Variants in VCL observed in about 807,000 individuals in gnomAD.
The protein encoded by VCL is vinculin.
VCL carries 47 observed loss-of-function variants against 125.7 expected under a neutral mutation model. That is an observed-to-expected ratio of 0.37 (90% CI 0.30 to 0.48). VCL has a LOEUF of 0.48. VCL is among the 20% of genes least tolerant of loss of function. VCL has a pLI of 0.99. For synonymous variants in VCL, 458 were observed against 514.6 expected (o/e 0.89, Z 1.49); for missense variants, 1,069 against 1,455.5 (o/e 0.73, Z 4.32).
At chr10:74,001,543 C>A (rs1032548165) in intron 1 of VCL, among the ~76,000 whole-genome samples, 38 of 151,926 alleles carry the variant, frequency 2.5e-4, no homozygotes, top group African/African-American at 9.0e-4. Context: ...GTTGAAGGAA[C>A]TATGGGAAGG....
rs1554820063 is a variant in VCL, at chr10:74,119,872, T to TAAAG, written c.*1709_*1712dup. On this transcript the variant is annotated 3_prime_UTR_variant, in exon 22 of 22. Transcript: ENST00000211998. Reference sequence around the variant, plus strand: ...TGCCAAAGATCACTTGTTGTTTTACTAAAGAAAGATTACTTAGAGGAAATA... The same window carrying TAAAG: ...TGCCAAAGATCACTTGTTGTTTTACTAAAGAAAGAAAGATTACTTAGAGGAAATA... 10 of 152,632 alleles carry TAAAG rather than the reference T, an allele frequency of 6.6e-5. No homozygotes were observed. The highest frequency in any genetic ancestry group is 2.4e-5 in the African/African-American group (1 of 41,444). The allele number at this position is 152,632 out of a possible 1,614,324, so 9.5% of individuals were successfully genotyped here.
chr10:74,094,163 G>T, intron 10 of VCL, 108 bp from the exon 11 acceptor site: 1 of 1,359,222 alleles, frequency 7.4e-7, no homozygotes, highest in Non-Finnish European at 1.0e-6. Flanking sequence ...CAAATTAATA[G>T]TAATCAGGAG....
In VCL at chr10:74,111,927, G is replaced by T; in HGVS notation, c.2764G>T (p.Glu922Ter). ...WSSKPGIPAAEVGIGVVAEAD... is the reference protein window; with the variant it reads ...WSSKPGIPAA Reference sequence around the variant, plus strand: ...GACAAAGCCGGGCATCCCAGCCGCTGAGGTGGGTATAGGTGTTGTAGCTGA... The same window carrying T: ...GACAAAGCCGGGCATCCCAGCCGCTTAGGTGGGTATAGGTGTTGTAGCTGA... The change falls in exon 19 of 22, where the codon GAG (glutamate) becomes TAG (stop). Residue 922 changes from glutamate (E) to a stop codon, truncating the protein, a stop_gained. Transcript: ENST00000211998. LOFTEE classifies it high-confidence loss of function. The T allele has an allele frequency of 6.2e-7, 1 of 1,614,216 alleles. No individual in the cohort carries two copies. The highest frequency in any genetic ancestry group is 8.5e-7 in the Non-Finnish European group (1 of 1,180,038).
chr10:74,080,163 G>T (rs910918184), intron 6 of VCL, among the ~76,000 whole-genome samples: 1 of 152,138 alleles, frequency 6.6e-6, no homozygotes, highest in Non-Finnish European at 1.5e-5. Context: ...GAGAATAAAA[G>T]CAGTCATTTT....
chr10:74,113,934 C>T (rs1284219463), intron 19 of VCL, among the ~76,000 whole-genome samples: 2 of 152,158 alleles, frequency 1.3e-5, no homozygotes, highest in Admixed American at 6.5e-5. Flanking sequence ...CTCTCTCCCT[C>T]TCCTTTCCCC....
At position 74,007,872 on chromosome 10, in the gene VCL, C is replaced by T. The variant is rs186179133; in HGVS notation, c.168+9497C>T. Among the ~76,000 whole-genome samples, 263 of 149,080 alleles carry T rather than the reference C, an allele frequency of 1.8e-3. 1 individual carries two copies. The highest frequency in any genetic ancestry group is 5.9e-3 in the African/African-American group (237 of 40,456). On this transcript the variant is annotated intron_variant, in intron 1 of 21. Transcript: ENST00000211998. Reference sequence around the variant, plus strand: ...GGCTGGAGCGCAGTGGCACAATCTCCGCTCACTGCAACCTCTGCCTCCTGG... The same window carrying T: ...GGCTGGAGCGCAGTGGCACAATCTCTGCTCACTGCAACCTCTGCCTCCTGG...
In VCL at chr10:74,089,924, T is replaced by C. The variant is rs924418524; in HGVS notation, c.1177-99T>C. On this transcript the variant is annotated intron_variant, in intron 9 of 21. Coordinates refer to ENST00000211998, the MANE Select transcript of VCL (RefSeq NM_014000.3). ...TCAGAATTATAAAAATGATTACTGG[T>C]ATATTACTTTTGAAATCCTTCTTCT... 4.8e-6 allele frequency: 6 copies of C among 1,259,762 alleles called. No homozygotes were observed. The African/African-American group carries it at 8.9e-5, about 19-fold the overall frequency. 78.0% of individuals were successfully genotyped at this position (1,259,762 alleles called of 1,614,324 possible).
intron 2 of VCL, among the ~76,000 whole-genome samples, chr10:74,049,024 G>C (rs190407404): frequency 7.2e-4 from 109 of 152,202 alleles, no homozygotes; most frequent in Non-Finnish European, 1.3e-3. Flanking sequence ...AGGAGAATGC[G>C]TGAACCCAGG....
Position 74,097,059 on chromosome 10 carries a change from C to A in VCL, c.1744-145C>A. 1 of 1,186,624 alleles carries A rather than the reference C, an allele frequency of 8.4e-7. No individual in the cohort carries two copies. Among genetic ancestry groups the A allele is most frequent in the Non-Finnish European group, 1.2e-6 (1 of 830,250 alleles). The allele number at this position is 1,186,624 out of a possible 1,614,324, so 73.5% of individuals were successfully genotyped here. A position where few individuals can be genotyped will look rare whatever the true frequency, so the allele number is the denominator to read the frequency against. On this transcript the variant is annotated intron_variant, in intron 12 of 21. Coordinates refer to ENST00000211998, the MANE Select transcript of VCL (RefSeq NM_014000.3). The surrounding 1 kb of genome is among the most constrained non-coding windows in gnomAD (Gnocchi z 4.1). ...ATTCATAAATTACACCTGTTCTGTG[C>A]TAGCTCAGTGCTTTGTACACAGTTA...
chr10:74,031,045 T>C (rs182740801), intron 1 of VCL, among the ~76,000 whole-genome samples: 175 of 152,348 alleles, frequency 1.1e-3, no homozygotes, highest in African/African-American at 4.0e-3. Flanking sequence ...TTCTGTCATA[T>C]ATTAATAGGT....
chr10:74,093,094 C>T (rs913768819), intron 10 of VCL, among the ~76,000 whole-genome samples: 1 of 152,040 alleles, frequency 6.6e-6, no homozygotes, highest in Non-Finnish European at 1.5e-5. Flanking sequence ...GTCAGGAGTT[C>T]GAGACCAGCC....
chr10:74,043,382 C>T (rs1462799494), intron 2 of VCL, among the ~76,000 whole-genome samples: 7 of 151,062 alleles, frequency 4.6e-5, no homozygotes, highest in Admixed American at 6.6e-5. Context: ...GTTTCACCCT[C>T]GTCACCCAGT....
chr10:74,010,470 G>A (rs887991270), intron 1 of VCL, among the ~76,000 whole-genome samples: 6 of 151,918 alleles, frequency 3.9e-5, no homozygotes, highest in Non-Finnish European at 7.4e-5. Flanking sequence ...TGAAAATTTA[G>A]AAAATCTATC....
At chr10:74,010,690 C>T (rs552209654) in intron 1 of VCL, among the ~76,000 whole-genome samples, 29 of 151,856 alleles carry the variant, frequency 1.9e-4, no homozygotes, top group African/African-American at 5.1e-4. Context: ...CTCTAGTTCA[C>T]TTTCCTGCTT....
chr10:74,010,660 CA>C (rs917905134), intron 1 of VCL, among the ~76,000 whole-genome samples: 3 of 150,354 alleles, frequency 2.0e-5, no homozygotes, highest in African/African-American at 7.3e-5. Flanking sequence ...AAAAAAAAAA[CA>C]AACAAAAACA....
downstream of VCL, chr10:74,120,438 C>T (rs1457975122): frequency 6.6e-6 from 1 of 152,180 alleles, no homozygotes; most frequent in African/African-American, 2.4e-5. Context: ...TTATTTTCAT[C>T]TTAGAAGATT....
chr10:74,091,983 A>G (rs1419669207), intron 10 of VCL, among the ~76,000 whole-genome samples: 2 of 151,828 alleles, frequency 1.3e-5, no homozygotes, highest in Non-Finnish European at 2.9e-5. Flanking sequence ...ATCTTGGCTC[A>G]CTGCATCCTC....
intron 8 of VCL, 66 bp downstream of exon 8, chr10:74,083,579 A>G (rs1839715175): frequency 1.3e-6 from 2 of 1,589,954 alleles, no homozygotes; most frequent in East Asian, 2.3e-5. Context: ...TGATTCAGAA[A>G]ACAAGCCTCT....
Position 74,105,290 on chromosome 10 carries a change from A to G in VCL, c.2371A>G (p.Ser791Gly). Reference protein sequence around the residue: ...EAVKAASDELSKTISPMVMDA... With the variant: ...EAVKAASDELGKTISPMVMDA... The stretch of plus-strand genomic sequence containing the variant: ...TGTGAAAGCTGCCTCTGATGAATTG[A>G]GCAAAACCATCTCCCCGATGGTGAT... The change falls in exon 16 of 22, where the codon AGC becomes GGC. Residue 791 changes from serine (S) to glycine (G), a missense_variant. Ser to Gly is a moderately conservative substitution (Grantham distance 56). This residue lies in a region of VCL where 760 missense variants were observed against 928.9 expected (regional missense o/e 0.82). Coordinates refer to ENST00000211998, the MANE Select transcript of VCL (RefSeq NM_014000.3). The G allele has an allele frequency of 1.9e-6, 3 of 1,613,608 alleles. No homozygotes were observed. Among genetic ancestry groups the G allele is most frequent in the Non-Finnish European group, 2.5e-6 (3 of 1,180,034 alleles).
Sources: allele counts gnomAD v4.1 joint callset (sites outside exome capture counted in the v4.1 genomes callset), GRCh38; gene constraint gnomAD v4.1.1; regional missense constraint gnomAD v4.1.1; non-coding constraint Gnocchi (gnomAD v3.1); transcripts MANE v1.5; gene names NCBI Gene and HGNC (gene_info 2026-07-23, HGNC 2026-07-21).